SLC26A9: variants seen among roughly 807,000 people sequenced by gnomAD.
The protein encoded by SLC26A9 is solute carrier family 26 member 9.
Under a neutral mutation model 87.1 loss-of-function variants are expected in SLC26A9, and 46 were observed. The observed-to-expected ratio is 0.53, with a 90% CI of 0.42 to 0.67. SLC26A9 has a LOEUF of 0.67. Among genes scored for constraint, SLC26A9 ranks in the 30% least tolerant of loss-of-function variants. SLC26A9 has a pLI of 0.00. For missense variants in SLC26A9, 927 were observed against 1,018.3 expected, an observed-to-expected ratio of 0.91 and a Z score of 1.22; for synonymous variants, 437 against 409.1, an observed-to-expected ratio of 1.07 and a Z score of -0.82.
At chr1:205,939,020 G>C (rs563820009) in intron 1 of SLC26A9, among the ~76,000 whole-genome samples, 14 of 152,252 alleles carry the variant, frequency 9.2e-5, no homozygotes, top group African/African-American at 3.4e-4. Flanking sequence ...AGCCTCCCTT[G>C]CTTTACTGGA....
chr1:205,921,016 T>A (rs759441606), intron 17 of SLC26A9, among the ~76,000 whole-genome samples: 1 of 152,238 alleles, frequency 6.6e-6, no homozygotes, highest in Admixed American at 6.5e-5. Flanking sequence ...CTGTGCCCAT[T>A]GTTCCCCTGG....
chr1:205,917,360 A>G lies in SLC26A9; in HGVS notation c.2257-6T>C, dbSNP rs1239340770. ...AGCTCAGCATCCCCTGGAGCCTGGA[A>G]GGGAGGAAGCCAGTGCAGAATGAGC... On this transcript the variant is annotated splice_region_variant and splice_polypyrimidine_tract_variant and intron_variant, in intron 19 of 20. Transcript: ENST00000367135. 2 of 1,613,898 alleles carry G rather than the reference A, an allele frequency of 1.2e-6. No individual in the cohort carries two copies. Among genetic ancestry groups the G allele is most frequent in the African/African-American group, 2.7e-5 (2 of 74,898 alleles).
At chr1:205,935,581 C>G in intron 2 of SLC26A9, 115 bp downstream of exon 2, 4 of 1,484,208 alleles carry the variant, frequency 2.7e-6, no homozygotes, top group Non-Finnish European at 3.7e-6. Context: ...CCTCACTTCC[C>G]CAGGGCTTCC....
chr1:205,930,979 T>C (rs1659278594), intron 5 of SLC26A9, among the ~76,000 whole-genome samples: 3 of 152,204 alleles, frequency 2.0e-5, no homozygotes, highest in Admixed American at 2.0e-4. Flanking sequence ...TGTGAGCAAC[T>C]TGTGAATTGG....
rs772122749 is a variant in SLC26A9 at position 205,915,159 on chromosome 1, C to A, written c.*198G>T. 3 of 1,611,914 alleles carry A rather than the reference C, an allele frequency of 1.9e-6. No homozygotes were observed. The highest frequency in any genetic ancestry group is 1.7e-4 in the Middle Eastern group (1 of 6,056). On this transcript the variant is annotated 3_prime_UTR_variant, in exon 21 of 21. Coordinates refer to ENST00000367135, the MANE Select transcript of SLC26A9 (RefSeq NM_052934.4). ...GACTCTCACTCCTGTAAGGGTAGCA[C>A]CCCCCTGCTGCTGAGAGGCTCTCTC...
chr1:205,920,114 A>G (rs1658763727), intron 18 of SLC26A9, 62 bp downstream of exon 18: 1 of 1,600,582 alleles, frequency 6.2e-7, no homozygotes, highest in African/African-American at 1.3e-5. Context: ...GACCCCACCA[A>G]CCTGTTCCTA....
rs1302984866 is a variant in SLC26A9 at position 205,913,930 on chromosome 1, A to G, written c.*1427T>C. The G allele has an allele frequency of 6.6e-6, 1 of 152,214 alleles. No individual in the cohort carries two copies. The highest frequency in any genetic ancestry group is 1.5e-5 in the Non-Finnish European group (1 of 68,048). The allele number at this position is 152,214 out of a possible 1,614,324, so 9.4% of individuals were successfully genotyped here. On this transcript the variant is annotated 3_prime_UTR_variant, in exon 21 of 21. Transcript: ENST00000367135. ...CTAGGCTGGGCCAGCCCAACCTGTTAGGGAAGGGGTTGTTAAGCTGAAGAA... is the reference window on the plus strand; with the variant it reads ...CTAGGCTGGGCCAGCCCAACCTGTTGGGGAAGGGGTTGTTAAGCTGAAGAA...
intron 19 of SLC26A9, among the ~76,000 whole-genome samples, chr1:205,918,408 A>C (rs553057734): frequency 6.6e-6 from 1 of 152,264 alleles, no homozygotes; most frequent in East Asian, 1.9e-4. Flanking sequence ...GAAATCTCTA[A>C]GCTCCGGTAA....
chr1:205,937,264 A>G (rs2102602709), intron 1 of SLC26A9, among the ~76,000 whole-genome samples: 1 of 152,208 alleles, frequency 6.6e-6, no homozygotes, highest in Non-Finnish European at 1.5e-5. Context: ...AAGGTGGGAG[A>G]ATGAACCTAC....
intron 18 of SLC26A9, 96 bp downstream of exon 18, chr1:205,920,080 C>T (rs17348561): frequency 0.038 from 53,897 of 1,429,514 alleles, 1,214 homozygotes; most frequent in African/African-American, 0.056. Context: ...TGGGTGCTCT[C>T]GTTTCCAACC....
At chr1:205,922,941 C>T (rs1426974574) in intron 16 of SLC26A9, 141 bp downstream of exon 16, 2 of 723,322 alleles carry the variant, frequency 2.8e-6, no homozygotes, top group African/African-American at 1.8e-5. Context: ...GCCCAGCGGC[C>T]ACCAGGCAGT....
chr1:205,921,644 G>T lies in SLC26A9; in HGVS notation c.1977C>A (p.Phe659Leu), dbSNP rs143824153. 6.2e-7 allele frequency: 1 copy of T among 1,608,976 alleles called. No individual in the cohort carries two copies. Among genetic ancestry groups the T allele is most frequent in the Non-Finnish European group, 8.5e-7 (1 of 1,177,850 alleles). ...PSDMLASVPPFVTFHTLILDM... is the reference protein window; with the variant it reads ...PSDMLASVPPLVTFHTLILDM... The stretch of plus-strand genomic sequence containing the variant: ...CCAGGATGAGGGTGTGGAAGGTGAC[G>T]AAGGGTGGGACGCTGGCCAGCATGT... The change falls in exon 17 of 21, where the codon TTC becomes TTA. Residue 659 changes from phenylalanine (F) to leucine (L), a missense_variant. Physicochemically the swap from Phe to Leu is conservative, Grantham distance 22 (BLOSUM62 0). Transcript: ENST00000367135.
At chr1:205,933,639 G>C (rs1659396777) in intron 2 of SLC26A9, among the ~76,000 whole-genome samples, 1 of 152,198 alleles carries the variant, frequency 6.6e-6, no homozygotes, top group South Asian at 2.1e-4. Context: ...AAATGAATGA[G>C]TGAATACACC....
chr1:205,932,697 C>A lies in SLC26A9; in HGVS notation c.376+5G>T. 1 of 1,557,046 alleles carries A rather than the reference C, an allele frequency of 6.4e-7. No individual in the cohort carries two copies. The highest frequency in any genetic ancestry group is 8.7e-7 in the Non-Finnish European group (1 of 1,154,084). On this transcript the variant is annotated splice_donor_5th_base_variant and intron_variant, in intron 4 of 20. Transcript: ENST00000367135. ...TCCTGCCTGCCCAGAGGGGAGAGGC[C>A]TTACCTGGCACCATCTGGTGAACAC...
intron 11 of SLC26A9, 93 bp downstream of exon 11, chr1:205,927,118 G>T: frequency 7.8e-7 from 1 of 1,286,986 alleles, no homozygotes; most frequent in Non-Finnish European, 1.1e-6. Flanking sequence ...TGACAACAGT[G>T]GCACTTTGTG....
intron 19 of SLC26A9, among the ~76,000 whole-genome samples, chr1:205,917,946 A>G (rs1658663595): frequency 6.6e-6 from 1 of 152,236 alleles, no homozygotes; most frequent in African/African-American, 2.4e-5. Flanking sequence ...TTCACGAAGC[A>G]GGAAAGCCCG....
Position 205,933,045 on chromosome 1 carries a change from C to A in SLC26A9, c.165G>T (p.Leu55=), listed in dbSNP as rs557351579. The change falls in exon 3 of 21, where the codon CTG becomes CTT. Residue 55 remains leucine (L), a synonymous_variant. Transcript: ENST00000367135. ...TGGGGAGCCAGGAGAGCACAGGCAG[C>A]AGCCCAAACACCACAGCTTTGATCT... ...SAKIKAVVFG[L]LPVLSWLPKY... is the part of the protein sequence containing the mutation. 183 of 1,614,182 alleles carry A rather than the reference C, an allele frequency of 1.1e-4. 2 individuals are homozygous for A. In the South Asian group the frequency reaches 1.9e-3, roughly 17 times the overall value.
Position 205,913,645 on chromosome 1 carries a change from C to T in SLC26A9, c.*1712G>A, listed in dbSNP as rs1658460161. The stretch of plus-strand genomic sequence containing the variant: ...GTTGTCATTGGCTAAGGCTCTTGTC[C>T]TCCTGGAATTTGGCACTTCGGGTGC... On this transcript the variant is annotated 3_prime_UTR_variant, in exon 21 of 21. Transcript: ENST00000367135. 6.6e-6 allele frequency: 1 copy of T among 152,612 alleles called. No individual in the cohort carries two copies. The highest frequency in any genetic ancestry group is 2.1e-4 in the South Asian group (1 of 4,826). The allele number at this position is 152,612 out of a possible 1,614,324, so 9.5% of individuals were successfully genotyped here.
intron 12 of SLC26A9, among the ~76,000 whole-genome samples, chr1:205,925,522 T>C (rs906854976): frequency 2.6e-5 from 4 of 152,184 alleles, no homozygotes; most frequent in African/African-American, 4.8e-5. Context: ...AAGCAGATCC[T>C]TGGGCTGGGA....
Sources: gnomAD v4.1 joint callset for allele counts (sites outside exome capture counted in the v4.1 genomes callset) on GRCh38, gnomAD v4.1.1 for gene constraint, MANE v1.5 for transcripts, NCBI Gene and HGNC (gene_info 2026-07-23, HGNC 2026-07-21) for gene names.